STYK1: variants seen among roughly 807,000 people sequenced by gnomAD.
The protein encoded by STYK1 is tyrosine-protein kinase STYK1.
STYK1 carries 46 observed loss-of-function variants against 48.1 expected under a neutral mutation model. The observed-to-expected ratio is 0.96, with a 90% CI of 0.75 to 1.22. The LOEUF (loss-of-function observed/expected upper bound fraction) is 1.22. Among genes scored for constraint, STYK1 ranks in the 50% most tolerant of loss-of-function variants. The pLI, the probability that STYK1 is intolerant of heterozygous loss-of-function variation, is 0.00. For synonymous variants in STYK1, 188 were observed against 189.0 expected, an observed-to-expected ratio of 0.99 and a Z score of 0.04; for missense variants, 527 against 521.1, an observed-to-expected ratio of 1.01 and a Z score of -0.11.
intron 1 of STYK1, among the ~76,000 whole-genome samples, chr12:10,666,034 C>G: frequency 6.6e-6 from 1 of 152,218 alleles, no homozygotes; most frequent in East Asian, 1.9e-4. Context: ...TAAGCCAAAC[C>G]TGTTAATTCT....
In STYK1 at chr12:10,634,627, G is replaced by T. The variant is rs192441661; in HGVS notation, c.-9C>A. The T allele has an allele frequency of 3.7e-4, 597 of 1,613,988 alleles. 2 individuals are homozygous for T. In the African/African-American group the frequency reaches 6.6e-3, roughly 18 times the overall value. On this transcript the variant is annotated 5_prime_UTR_variant, in exon 3 of 11. Transcript: ENST00000075503. ...ATCCGTGTCATGCCCATTGCCACAG[G>T]GCTGTCCCCTTCCCTGCTAGGCCCA...
rs1865929278 is a variant in STYK1, at chr12:10,622,821, TAAC to T, written c.927-146_927-144del. Reference sequence around the variant, plus strand: ...AAGGATGAGTGTCTGAAAAACAAAATAACAGCCATTAGAAAGCATTTCTGCTCA... The same window carrying T: ...AAGGATGAGTGTCTGAAAAACAAAATAGCCATTAGAAAGCATTTCTGCTCA... On this transcript the variant is annotated intron_variant, in intron 8 of 10. Coordinates refer to ENST00000075503, the MANE Select transcript of STYK1 (RefSeq NM_018423.3). The T allele has an allele frequency of 5.8e-6, 5 of 862,092 alleles. No individual in the cohort carries two copies. The South Asian group carries it at 6.7e-5, about 11-fold the overall frequency. The allele number at this position is 862,092 out of a possible 1,614,324, so 53.4% of individuals were successfully genotyped here.
At chr12:10,627,776 T>G in intron 6 of STYK1, 52 bp from the exon 7 acceptor site, 1 of 1,494,340 alleles carries the variant, frequency 6.7e-7, no homozygotes, top group South Asian at 1.2e-5. Context: ...CTCACAGATT[T>G]GGAAAAGAAA....
chr12:10,629,657 C>A lies in STYK1; in HGVS notation c.469G>T (p.Glu157Ter). The change falls in exon 6 of 11, where the codon GAG becomes TAG. Residue 157 changes from glutamate to a stop codon, truncating the protein, a stop_gained. Coordinates refer to ENST00000075503, the MANE Select transcript of STYK1 (RefSeq NM_018423.3). LOFTEE classifies it high-confidence loss of function. ...KALKEPAGLH[E>*]VQDFLGRIQF... is the part of the protein sequence containing the mutation. ...ATTCGCCCTAAGAAATCTTGTACCT[C>A]ATGGAGCCCAGCTGGTTCTGTAGAG... 1 of 1,614,170 alleles carries A rather than the reference C, an allele frequency of 6.2e-7. No individual in the cohort carries two copies. The highest frequency in any genetic ancestry group is 8.5e-7 in the Non-Finnish European group (1 of 1,180,032).
intron 10 of STYK1, among the ~76,000 whole-genome samples, 163 bp from the exon 11 acceptor site, chr12:10,620,511 T>C (rs1865890628): frequency 6.6e-6 from 1 of 152,238 alleles, no homozygotes; most frequent in African/African-American, 2.4e-5. Flanking sequence ...TCCTTCTCAA[T>C]CTTTTTATAT....
intron 1 of STYK1, among the ~76,000 whole-genome samples, chr12:10,643,704 A>G (rs1253052334): frequency 1.3e-5 from 2 of 152,246 alleles, no homozygotes; most frequent in African/African-American, 4.8e-5. Context: ...GTAGGAGCTG[A>G]CTAGATAAAG....
chr12:10,657,332 T>C (rs572848458), intron 1 of STYK1, among the ~76,000 whole-genome samples: 12 of 152,306 alleles, frequency 7.9e-5, no homozygotes, highest in South Asian at 4.1e-4. Flanking sequence ...AACTACTGGA[T>C]CTTCTGTCTG....
intron 1 of STYK1, among the ~76,000 whole-genome samples, chr12:10,651,575 A>G (rs1947662928): frequency 6.6e-6 from 1 of 152,216 alleles, no homozygotes; most frequent in Non-Finnish European, 1.5e-5. Context: ...AATTATTCCT[A>G]TGATAGCTAT....
At chr12:10,624,915 G>A in intron 7 of STYK1, 56 bp from the exon 8 acceptor site, 1 of 1,497,924 alleles carries the variant, frequency 6.7e-7, no homozygotes, top group Non-Finnish European at 9.3e-7. Flanking sequence ...TTGGGTCACA[G>A]ACAAGGAGAG....
intron 1 of STYK1, among the ~76,000 whole-genome samples, chr12:10,658,769 T>C (rs961806863): frequency 5.3e-5 from 8 of 152,230 alleles, no homozygotes; most frequent in Non-Finnish European, 1.0e-4. Context: ...ATAAATATGT[T>C]CTTGGTTATG....
chr12:10,669,148 C>A (rs1008386885), intron 1 of STYK1, among the ~76,000 whole-genome samples: 2 of 152,090 alleles, frequency 1.3e-5, no homozygotes, highest in African/African-American at 4.8e-5. Flanking sequence ...AAATAAGTAG[C>A]TAATTCATCT....
At chr12:10,659,284 T>C (rs1206864525) in intron 1 of STYK1, among the ~76,000 whole-genome samples, 1 of 152,204 alleles carries the variant, frequency 6.6e-6, no homozygotes, top group Non-Finnish European at 1.5e-5. Flanking sequence ...TTAGAGCATA[T>C]TTCTCTCTAT....
At position 10,637,116 on chromosome 12, in the gene STYK1, C is replaced by T. The variant is rs1289500840; in HGVS notation, c.-114G>A. ...GCTACTGCATTTCCTGAGCCAGGTT[C>T]TCACCATCACTTTTATTTGTACATA... On this transcript the variant is annotated 5_prime_UTR_variant, in exon 2 of 11. Transcript: ENST00000075503. 1 of 152,192 alleles carries T rather than the reference C, an allele frequency of 6.6e-6. No individual in the cohort carries two copies. The highest frequency in any genetic ancestry group is 1.5e-5 in the Non-Finnish European group (1 of 68,036). The allele number at this position is 152,192 out of a possible 1,614,324, so 9.4% of individuals were successfully genotyped here. A position where few individuals can be genotyped will look rare whatever the true frequency, so the allele number is the denominator to read the frequency against.
intron 1 of STYK1, among the ~76,000 whole-genome samples, chr12:10,642,372 A>G (rs1431057484): frequency 6.6e-6 from 1 of 152,170 alleles, no homozygotes; most frequent in Non-Finnish European, 1.5e-5. Context: ...GTGTTTTCCC[A>G]TATGTAAAGT....
At chr12:10,626,843 A>G (rs915192217) in intron 7 of STYK1, among the ~76,000 whole-genome samples, 1 of 152,036 alleles carries the variant, frequency 6.6e-6, no homozygotes, top group African/African-American at 2.4e-5. Context: ...CGTCTCTACT[A>G]AAAATACAAA....
chr12:10,666,256 G>A (rs1042677251), intron 1 of STYK1, among the ~76,000 whole-genome samples: 5 of 152,138 alleles, frequency 3.3e-5, no homozygotes, highest in African/African-American at 1.2e-4. Flanking sequence ...AACTAGGGGT[G>A]ACTTGACATA....
chr12:10,645,459 C>T (rs1363377582), intron 1 of STYK1, among the ~76,000 whole-genome samples: 1 of 149,738 alleles, frequency 6.7e-6, no homozygotes, highest in Non-Finnish European at 1.5e-5. Context: ...AGTAATCTCT[C>T]ATTCTAAAAA....
At chr12:10,623,666 A>G (rs1243027444) in intron 8 of STYK1, among the ~76,000 whole-genome samples, 1 of 152,212 alleles carries the variant, frequency 6.6e-6, no homozygotes, top group African/African-American at 2.4e-5. Flanking sequence ...CTGCTGAAAA[A>G]GAAAGTCTTG....
At chr12:10,650,169 A>C (rs1023174439) in intron 1 of STYK1, among the ~76,000 whole-genome samples, 1 of 147,380 alleles carries the variant, frequency 6.8e-6, no homozygotes, top group African/African-American at 2.5e-5. Context: ...AACAAGCTTC[A>C]TTGTTGCTTG....
Sources: gnomAD v4.1 joint callset for allele counts (sites outside exome capture counted in the v4.1 genomes callset) on GRCh38, gnomAD v4.1.1 for gene constraint, MANE v1.5 for transcripts, NCBI Gene and HGNC (gene_info 2026-07-23, HGNC 2026-07-21) for gene names.